Variants in ITGA11 observed in about 807,000 individuals in gnomAD.
The protein encoded by ITGA11 is integrin alpha-11.
A neutral mutation model predicts 141.9 loss-of-function variants in ITGA11; 97 were observed. That is an observed-to-expected ratio of 0.68 (90% confidence interval 0.58 to 0.81). The LOEUF is 0.81. ITGA11 is among the 30% of genes least tolerant of loss of function. The probability of loss-of-function intolerance (pLI) is 0.00; values close to 1 mark genes in which losing one functional copy is unlikely to be tolerated. For missense variants in ITGA11, 1,387 were observed against 1,559.2 expected (o/e 0.89, Z 1.86); for synonymous variants, 658 against 624.6 (o/e 1.05, Z -0.80).
chr15:68,398,903 G>C (rs893338709), intron 2 of ITGA11, among the ~76,000 whole-genome samples: 5 of 150,932 alleles, frequency 3.3e-5, no homozygotes, highest in Non-Finnish European at 7.4e-5. Flanking sequence ...ATTATTGAGA[G>C]AAATTTTTAA....
At position 68,432,127 on chromosome 15, in the gene ITGA11, C is replaced by G; in HGVS notation, c.-61G>C. The G allele has an allele frequency of 8.0e-7, 1 of 1,249,646 alleles. No homozygotes were observed. Among genetic ancestry groups the G allele is most frequent in the Middle Eastern group, 2.9e-4 (1 of 3,410 alleles). 77.4% of individuals were successfully genotyped at this position (1,249,646 alleles called of 1,614,324 possible). A position where few individuals can be genotyped will look rare whatever the true frequency, so the allele number is the denominator to read the frequency against. On this transcript the variant is annotated 5_prime_UTR_variant, in exon 1 of 30. Transcript: ENST00000315757. ...GGCGGCGGGGGGCGGCAAGCCAGAG[C>G]GGCAGCCTCCTCGGCGCGGCGCCTG... is the stretch of plus-strand genomic sequence containing the variant.
intron 10 of ITGA11, among the ~76,000 whole-genome samples, chr15:68,339,964 T>C (rs1894508361): frequency 6.6e-6 from 1 of 152,150 alleles, no homozygotes; most frequent in Non-Finnish European, 1.5e-5. Flanking sequence ...TTCAAAACCC[T>C]TTAGGGACCG....
rs1231618366 is a variant in ITGA11 at position 68,302,698 on chromosome 15, G to T, written c.*361C>A. The stretch of plus-strand genomic sequence containing the variant: ...TTCGTATTTACAGTCTTCCTCCCTG[G>T]GTTTCTCTGGAGGATGGGGATGATT... On this transcript the variant is annotated 3_prime_UTR_variant, in exon 30 of 30. Coordinates refer to ENST00000315757, the MANE Select transcript of ITGA11 (RefSeq NM_001004439.2). The T allele has an allele frequency of 4.4e-6, 1 of 229,196 alleles. No individual in the cohort carries two copies. The highest frequency in any genetic ancestry group is 5.9e-5 in the Admixed American group (1 of 17,062). The allele number at this position is 229,196 out of a possible 1,614,324, so 14.2% of individuals were successfully genotyped here.
chr15:68,374,640 C>T (rs1895683289), intron 2 of ITGA11, among the ~76,000 whole-genome samples: 1 of 152,176 alleles, frequency 6.6e-6, no homozygotes, highest in Non-Finnish European at 1.5e-5. Context: ...AGCTTAGCTC[C>T]CCAGCAGATG....
chr15:68,396,902 T>C (rs1361764797), intron 2 of ITGA11, among the ~76,000 whole-genome samples: 14 of 115,926 alleles, frequency 1.2e-4, no homozygotes, highest in African/African-American at 4.7e-4. Context: ...TATTACAATA[T>C]GATTTATTAT....
At chr15:68,378,109 C>T (rs1177352542) in intron 2 of ITGA11, among the ~76,000 whole-genome samples, 1 of 152,194 alleles carries the variant, frequency 6.6e-6, no homozygotes, top group Non-Finnish European at 1.5e-5. Context: ...TAATGTCCCC[C>T]AATTATTGAG....
At chr15:68,407,671 G>A (rs1470978356) in intron 1 of ITGA11, among the ~76,000 whole-genome samples, 1 of 152,186 alleles carries the variant, frequency 6.6e-6, no homozygotes, top group African/African-American at 2.4e-5. Flanking sequence ...TTCCTGGGCT[G>A]CTCTCCTGTG....
chr15:68,418,697 C>T (rs143271075), intron 1 of ITGA11, among the ~76,000 whole-genome samples: 1 of 151,966 alleles, frequency 6.6e-6, no homozygotes, highest in Non-Finnish European at 1.5e-5. Flanking sequence ...CACACTGATT[C>T]TGGCTTCAGG....
intron 12 of ITGA11, among the ~76,000 whole-genome samples, chr15:68,334,655 C>T (rs753224973): frequency 7.7e-5 from 11 of 143,550 alleles, no homozygotes; most frequent in African/African-American, 2.1e-4. Context: ...AGGGAGGGGG[C>T]GGGAGAAATT....
At chr15:68,391,121 T>A (rs950515837) in intron 2 of ITGA11, among the ~76,000 whole-genome samples, 2 of 152,090 alleles carry the variant, frequency 1.3e-5, no homozygotes, top group Middle Eastern at 3.4e-3. Flanking sequence ...CAAGTAGGAT[T>A]TGTGGTGGGA....
intron 4 of ITGA11, among the ~76,000 whole-genome samples, chr15:68,362,359 C>T (rs2140349849): frequency 6.6e-6 from 1 of 152,350 alleles, no homozygotes; most frequent in East Asian, 1.9e-4. Flanking sequence ...AAATTTTGTG[C>T]TGTAATTTCC....
intron 7 of ITGA11, among the ~76,000 whole-genome samples, chr15:68,354,277 T>A (rs1214389351): frequency 2.0e-5 from 3 of 152,138 alleles, no homozygotes; most frequent in Admixed American, 1.3e-4. Context: ...CCTAAAATAG[T>A]GTGAGGCACA....
chr15:68,307,782 C>A lies in ITGA11; in HGVS notation c.3175-86G>T. The A allele has an allele frequency of 1.1e-6, 1 of 874,746 alleles. No homozygotes were observed. Among genetic ancestry groups the A allele is most frequent in the Non-Finnish European group, 1.8e-6 (1 of 543,322 alleles). 54.2% of individuals were successfully genotyped at this position (874,746 alleles called of 1,614,324 possible). ...CACTGCTTGAACGACTGGGGCTCTG[C>A]TCCTGGGGGCAGGGGCAGAGGACAG... is the stretch of plus-strand genomic sequence containing the variant. On this transcript the variant is annotated intron_variant, in intron 26 of 29. Coordinates refer to ENST00000315757, the MANE Select transcript of ITGA11 (RefSeq NM_001004439.2). This position sits in a 1 kb window ranked among gnomAD's most constrained non-coding sequence, Gnocchi z 6.1.
intron 1 of ITGA11, among the ~76,000 whole-genome samples, chr15:68,423,848 G>A (rs1362318598): frequency 6.6e-6 from 1 of 152,044 alleles, no homozygotes; most frequent in Non-Finnish European, 1.5e-5. Context: ...CCTGGGCTTG[G>A]CGTTGTCGGT....
intron 8 of ITGA11, 75 bp from the exon 9 acceptor site, chr15:68,350,857 C>G: frequency 6.8e-7 from 1 of 1,481,286 alleles, no homozygotes; most frequent in African/African-American, 1.4e-5. Context: ...CGGCCTAGAC[C>G]CTGGGGACCC....
At chr15:68,327,740 C>G (rs116749337) in intron 16 of ITGA11, among the ~76,000 whole-genome samples, 35 of 152,350 alleles carry the variant, frequency 2.3e-4, no homozygotes, top group African/African-American at 7.5e-4. Flanking sequence ...CAGCACCCCC[C>G]CTGTAGGACT....
intron 9 of ITGA11, among the ~76,000 whole-genome samples, chr15:68,350,403 T>C (rs1255427627): frequency 6.6e-6 from 1 of 152,144 alleles, no homozygotes; most frequent in South Asian, 2.1e-4. Flanking sequence ...CTGACCAAAC[T>C]GGTCTTGAAC....
chr15:68,361,298 C>T (rs967469721), intron 5 of ITGA11, among the ~76,000 whole-genome samples: 2 of 152,172 alleles, frequency 1.3e-5, no homozygotes, highest in Non-Finnish European at 2.9e-5. Context: ...TGCCAGGTAA[C>T]CTCCTATATA....
chr15:68,423,850 G>A (rs1468675968), intron 1 of ITGA11, among the ~76,000 whole-genome samples: 3 of 152,160 alleles, frequency 2.0e-5, no homozygotes, highest in East Asian at 3.9e-4. Context: ...TGGGCTTGGC[G>A]TTGTCGGTGT....
Sources: allele counts gnomAD v4.1 joint callset (sites outside exome capture counted in the v4.1 genomes callset), GRCh38; gene constraint gnomAD v4.1.1; non-coding constraint Gnocchi (gnomAD v3.1); transcripts MANE v1.5; gene names NCBI Gene and HGNC (gene_info 2026-07-23, HGNC 2026-07-21).